The following GRIK4 variants were observed in gnomAD, a reference collection of about 807,000 sequenced individuals.
GRIK4 encodes the protein glutamate ionotropic receptor kainate type subunit 4, also known as glutamate receptor ionotropic, kainate 4.
A neutral mutation model predicts 104.9 loss-of-function variants in GRIK4; 40 were observed. The observed-to-expected ratio is 0.38, with a 90% confidence interval of 0.30 to 0.50. The LOEUF (loss-of-function observed/expected upper bound fraction) is 0.50. GRIK4 is among the 20% of genes least tolerant of loss of function. GRIK4 has a pLI of 0.93. For synonymous variants in GRIK4, 485 were observed against 524.9 expected, an observed-to-expected ratio of 0.92 and a Z score of 1.04; for missense variants, 1,047 against 1,308.1, an observed-to-expected ratio of 0.80 and a Z score of 3.08.
chr11:120,946,139 A>G (rs1709766647), intron 14 of GRIK4, among the ~76,000 whole-genome samples: 1 of 152,246 alleles, frequency 6.6e-6, no homozygotes, highest in Non-Finnish European at 1.5e-5. Flanking sequence ...ATGAAAAACC[A>G]AAACCATTTC....
At chr11:120,791,194 G>C (rs556405395) in intron 3 of GRIK4, among the ~76,000 whole-genome samples, 4 of 152,168 alleles carry the variant, frequency 2.6e-5, no homozygotes, top group Admixed American at 6.5e-5. Context: ...GCATTACATG[G>C]AAGAGGAAGG....
intron 3 of GRIK4, among the ~76,000 whole-genome samples, chr11:120,728,951 C>G (rs572771800): frequency 1.8e-4 from 28 of 152,334 alleles, no homozygotes; most frequent in East Asian, 9.6e-4. Context: ...TCCTTCTACT[C>G]TCTTTCTCCA....
chr11:120,583,604 T>C (rs1401695869), intron 1 of GRIK4, among the ~76,000 whole-genome samples: 1 of 152,250 alleles, frequency 6.6e-6, no homozygotes, highest in East Asian at 1.9e-4. Flanking sequence ...CATGCTGTTT[T>C]GTTTACTGTA....
chr11:120,759,434 C>T (rs941270285), intron 3 of GRIK4, among the ~76,000 whole-genome samples: 5 of 152,146 alleles, frequency 3.3e-5, no homozygotes, highest in African/African-American at 1.2e-4. Flanking sequence ...TCAGCTTTCT[C>T]CCAAGATTGG....
chr11:120,698,282 A>G (rs1950490158), intron 3 of GRIK4, among the ~76,000 whole-genome samples: 1 of 152,268 alleles, frequency 6.6e-6, no homozygotes, highest in Admixed American at 6.5e-5. Context: ...CTTGGGCATC[A>G]CTACACATAA....
chr11:120,831,679 A>G (rs974006475), intron 6 of GRIK4, among the ~76,000 whole-genome samples, 173 bp from the exon 7 acceptor site: 5 of 152,168 alleles, frequency 3.3e-5, no homozygotes, highest in Admixed American at 6.5e-5. Context: ...ATTGAAGCCC[A>G]AAGAGGCTGA....
chr11:120,951,041 C>G (rs898245434), intron 14 of GRIK4, among the ~76,000 whole-genome samples: 21 of 152,190 alleles, frequency 1.4e-4, no homozygotes, highest in Non-Finnish European at 2.6e-4. Flanking sequence ...TGAGCCAATA[C>G]TGTGAAAGAA....
At chr11:120,815,273 C>A in intron 4 of GRIK4, 105 bp from the exon 5 acceptor site, 1 of 681,964 alleles carries the variant, frequency 1.5e-6, no homozygotes. Context: ...AGCGGGTGTG[C>A]AGAAGGTGAG....
At chr11:120,697,683 A>C (rs10892618) in intron 3 of GRIK4, among the ~76,000 whole-genome samples, 42,651 of 152,112 alleles carry the variant, frequency 0.28, 6,613 homozygotes, top group East Asian at 0.35. Flanking sequence ...TGAGGCTCCA[A>C]ATGAGCTAGC....
intron 3 of GRIK4, among the ~76,000 whole-genome samples, chr11:120,782,280 T>A (rs1455503008): frequency 6.7e-6 from 1 of 149,272 alleles, no homozygotes; most frequent in Non-Finnish European, 1.5e-5. Context: ...AGGTAGCCAG[T>A]ATGACTTTTT....
At chr11:120,813,521 TC>T (rs1952870964) in intron 4 of GRIK4, among the ~76,000 whole-genome samples, 2 of 152,078 alleles carry the variant, frequency 1.3e-5, no homozygotes, top group African/African-American at 4.8e-5. Context: ...TACTGATGAG[TC>T]CTCCAGTCAG....
chr11:120,589,849 G>A (rs1346294652), intron 1 of GRIK4, among the ~76,000 whole-genome samples: 1 of 152,186 alleles, frequency 6.6e-6, no homozygotes, highest in Admixed American at 6.5e-5. Flanking sequence ...TGCTTGGGCA[G>A]CTGGCATTTT....
At chr11:120,593,571 G>A (rs561488036) in intron 1 of GRIK4, among the ~76,000 whole-genome samples, 8 of 151,544 alleles carry the variant, frequency 5.3e-5, no homozygotes, top group Admixed American at 3.9e-4. Flanking sequence ...TCTAAATGTC[G>A]GATGTCCCAA....
rs142357558 is a variant in GRIK4, at chr11:120,516,904, C to T, written c.-159+5017C>T. Among the ~76,000 whole-genome samples, 847 of 152,144 alleles carry T rather than the reference C, an allele frequency of 5.6e-3. 7 individuals carry two copies. Among genetic ancestry groups the T allele is most frequent in the African/African-American group, 0.02 (815 of 41,508 alleles). On this transcript the variant is annotated intron_variant, in intron 1 of 20. Transcript: ENST00000527524. ...GGAGGAGCCTGGAGCCATCGGGGCTCACCCTGGGCGGCGGCTGCTGCGTTC... is the reference window on the plus strand; with the variant it reads ...GGAGGAGCCTGGAGCCATCGGGGCTTACCCTGGGCGGCGGCTGCTGCGTTC...
intron 8 of GRIK4, among the ~76,000 whole-genome samples, chr11:120,854,991 C>T (rs904085864): frequency 2.6e-5 from 4 of 152,170 alleles, no homozygotes; most frequent in Non-Finnish European, 5.9e-5. Context: ...AGTTATTCTC[C>T]TAACCATTTA....
intron 8 of GRIK4, among the ~76,000 whole-genome samples, chr11:120,860,994 T>G (rs1456356829): frequency 6.6e-6 from 1 of 151,498 alleles, no homozygotes; most frequent in African/African-American, 2.4e-5. Context: ...ACACTTCAGG[T>G]GTATAAGACT....
At chr11:120,946,024 T>C (rs978461311) in intron 14 of GRIK4, among the ~76,000 whole-genome samples, 13 of 152,360 alleles carry the variant, frequency 8.5e-5, no homozygotes, top group African/African-American at 2.9e-4. Context: ...GTTTAGTATT[T>C]GGTATAGCAG....
At chr11:120,900,903 T>G (rs1371329248) in intron 12 of GRIK4, among the ~76,000 whole-genome samples, 1 of 152,180 alleles carries the variant, frequency 6.6e-6, no homozygotes, top group African/African-American at 2.4e-5. Flanking sequence ...GGGAACAGCC[T>G]GGCTGAGTCC....
At chr11:120,526,551 G>T (rs1565538523) in intron 1 of GRIK4, among the ~76,000 whole-genome samples, 1 of 152,208 alleles carries the variant, frequency 6.6e-6, no homozygotes, top group Admixed American at 6.5e-5. Context: ...TTTGTTTTTA[G>T]GCCGGGCACA....
Sources: gnomAD v4.1 joint callset for allele counts (sites outside exome capture counted in the v4.1 genomes callset) on GRCh38, gnomAD v4.1.1 for gene constraint, MANE v1.5 for transcripts, NCBI Gene and HGNC (gene_info 2026-07-23, HGNC 2026-07-21) for gene names.